The following MICU1 variants were observed in gnomAD, a reference collection of about 807,000 sequenced individuals.
MICU1 encodes calcium uptake protein 1, mitochondrial.
Under a neutral mutation model 56.8 loss-of-function variants are expected in MICU1, and 45 were observed. The ratio of observed to expected loss-of-function variants is 0.79; its 90% CI spans 0.62 to 1.02. The LOEUF is 1.02. MICU1 is among the 50% of genes least tolerant of loss of function. The pLI is 0.00. For synonymous variants in MICU1, 186 were observed against 195.1 expected (o/e 0.95, Z 0.39); for missense variants, 504 against 587.1 (o/e 0.86, Z 1.46).
At position 72,574,946 on chromosome 10, in the gene MICU1, T is replaced by C. The variant is rs1462881299; in HGVS notation, c.-1-8152A>G. ...CGCTCAAAAAAAGGACTAGGTTTATTACTAGTTGTAAAGAATGTCTAGTAA... is the reference window on the plus strand; with the variant it reads ...CGCTCAAAAAAAGGACTAGGTTTATCACTAGTTGTAAAGAATGTCTAGTAA... On this transcript the variant is annotated intron_variant, in intron 1 of 11. Transcript: ENST00000361114. Among the ~76,000 whole-genome samples, 6 of 152,250 alleles carry C rather than the reference T, an allele frequency of 3.9e-5. No homozygotes were observed. In the East Asian group the frequency reaches 1.2e-3, roughly 29 times the overall value.
chr10:72,477,232 G>C lies in MICU1; in HGVS notation c.677C>G (p.Ala226Gly), dbSNP rs1192371198. The C allele has an allele frequency of 6.5e-7, 1 of 1,547,664 alleles. No homozygotes were observed. Among genetic ancestry groups the C allele is most frequent in the Non-Finnish European group, 8.7e-7 (1 of 1,146,210 alleles). The change falls in exon 7 of 12, where the codon GCC (alanine) becomes GGC (glycine). Residue 226 changes from alanine (A) to glycine (G), a missense_variant. Ala to Gly is a moderately conservative substitution (Grantham distance 60). Coordinates refer to ENST00000361114, the MANE Select transcript of MICU1 (RefSeq NM_001195518.2). Reference protein sequence around the residue: ...LSTPQRNFEIAFKMFDLNGDG... With the variant: ...LSTPQRNFEIGFKMFDLNGDG... ...TCCATTCAAATCAAACATCTTGAAG[G>C]CAATTTCAAAATTTCTCTGAGGAGC...
chr10:72,414,653 A>C (rs1444311978), intron 9 of MICU1, among the ~76,000 whole-genome samples: 6 of 152,232 alleles, frequency 3.9e-5, no homozygotes, highest in African/African-American at 1.4e-4. Context: ...AAAATTAATA[A>C]AAATCACCGA....
chr10:72,397,418 A>C (rs1038435232), intron 10 of MICU1, among the ~76,000 whole-genome samples: 8 of 152,240 alleles, frequency 5.3e-5, no homozygotes, highest in Non-Finnish European at 1.0e-4. Context: ...ACAGAATCAA[A>C]TTCACACATA....
intron 3 of MICU1, among the ~76,000 whole-genome samples, chr10:72,560,784 C>T (rs552513177): frequency 6.6e-5 from 10 of 152,110 alleles, no homozygotes; most frequent in Admixed American, 5.9e-4. Flanking sequence ...GCATGAGAAT[C>T]GTTTGAATCC....
At chr10:72,576,012 G>A (rs977962021) in intron 1 of MICU1, among the ~76,000 whole-genome samples, 1 of 152,040 alleles carries the variant, frequency 6.6e-6, no homozygotes, top group Non-Finnish European at 1.5e-5. Flanking sequence ...TCAGGAGTTC[G>A]AGATCAGCCT....
intron 6 of MICU1, among the ~76,000 whole-genome samples, chr10:72,481,626 G>A (rs1866299832): frequency 6.6e-6 from 1 of 152,132 alleles, no homozygotes; most frequent in South Asian, 2.1e-4. Flanking sequence ...TGGCCAGGCT[G>A]TTCTAGAACT....
intron 1 of MICU1, among the ~76,000 whole-genome samples, chr10:72,602,834 G>A (rs572946368): frequency 8.1e-4 from 123 of 152,308 alleles, no homozygotes; most frequent in African/African-American, 2.3e-3. Context: ...GCAGCCAGGC[G>A]CGGTGGCTCA....
At chr10:72,377,913 G>A (rs926578116) in intron 10 of MICU1, among the ~76,000 whole-genome samples, 1 of 151,942 alleles carries the variant, frequency 6.6e-6, no homozygotes, top group Non-Finnish European at 1.5e-5. Flanking sequence ...ATATTTACCC[G>A]ATACGGTTTA....
intron 11 of MICU1, among the ~76,000 whole-genome samples, chr10:72,369,543 C>G (rs976873055): frequency 3.3e-5 from 5 of 152,140 alleles, no homozygotes; most frequent in Non-Finnish European, 4.4e-5. Context: ...CTGCAATAGT[C>G]TCTCTGCTGT....
At chr10:72,375,571 TAAG>T (rs1554857167) in intron 11 of MICU1, among the ~76,000 whole-genome samples, 1 of 152,196 alleles carries the variant, frequency 6.6e-6, no homozygotes, top group Non-Finnish European at 1.5e-5. Context: ...ATTGGAATTA[TAAG>T]AAGAAGAAAT....
At chr10:72,452,215 C>T (rs540559473) in intron 8 of MICU1, among the ~76,000 whole-genome samples, 6 of 152,248 alleles carry the variant, frequency 3.9e-5, no homozygotes, top group African/African-American at 9.6e-5. Flanking sequence ...CGAATACTCA[C>T]TTTTCTTCCT....
At chr10:72,461,090 A>G (rs1413599532) in intron 8 of MICU1, among the ~76,000 whole-genome samples, 1 of 152,128 alleles carries the variant, frequency 6.6e-6, no homozygotes, top group Non-Finnish European at 1.5e-5. Context: ...AACGTAAAGA[A>G]ACTTTCTCTT....
At chr10:72,441,668 G>A (rs1226073806) in intron 8 of MICU1, among the ~76,000 whole-genome samples, 3 of 138,690 alleles carry the variant, frequency 2.2e-5, no homozygotes, top group Non-Finnish European at 4.6e-5. Flanking sequence ...CCAGGCTGGA[G>A]TGCAGTGGTA....
chr10:72,415,662 A>C (rs560808491), intron 9 of MICU1, among the ~76,000 whole-genome samples: 13 of 152,312 alleles, frequency 8.5e-5, no homozygotes, highest in African/African-American at 1.2e-4. Flanking sequence ...CAAACTTTTT[A>C]GCCTGGGATT....
intron 2 of MICU1, among the ~76,000 whole-genome samples, chr10:72,565,423 G>C (rs1314154264): frequency 6.8e-6 from 1 of 147,668 alleles, no homozygotes. Context: ...CTCACTCACA[G>C]GTGGGAATTA....
At chr10:72,379,550 A>G (rs1295972857) in intron 10 of MICU1, 2 of 430,548 alleles carry the variant, frequency 4.6e-6, no homozygotes, top group Non-Finnish European at 9.4e-6. Context: ...TATTTCAAGT[A>G]CTCATCTTCT....
chr10:72,533,249 T>A, intron 5 of MICU1: 1 of 733,490 alleles, frequency 1.4e-6, no homozygotes, highest in Non-Finnish European at 1.9e-6. Context: ...TTTGTTATAT[T>A]ATTTATTCAG....
rs1393436881 is a variant in MICU1, at chr10:72,448,173, G to GTGTGTGTA, written c.934-24803_934-24802insTACACACA. ...TGTCTGTGTGTGTGTATATGTGTGTGTATATATATATATATATATATTTTT... is the reference window on the plus strand; with the variant it reads ...TGTCTGTGTGTGTGTATATGTGTGTGTGTGTGTATATATATATATATATATATATTTTT... On this transcript the variant is annotated intron_variant, in intron 8 of 11. Transcript: ENST00000361114. 9.5e-3 allele frequency among the ~76,000 whole-genome samples: 731 copies of GTGTGTGTA among 77,146 alleles called. 97 individuals are homozygous for GTGTGTGTA. The highest frequency in any genetic ancestry group is 0.026 in the Middle Eastern group (3 of 114). The allele number at this position is 77,146 out of a possible 152,430, so 50.6% of individuals were successfully genotyped here. A position where few individuals can be genotyped will look rare whatever the true frequency, so the allele number is the denominator to read the frequency against.
chr10:72,436,955 C>G (rs1864748364), intron 8 of MICU1, among the ~76,000 whole-genome samples: 1 of 152,138 alleles, frequency 6.6e-6, no homozygotes, highest in African/African-American at 2.4e-5. Flanking sequence ...AGAATGGAAG[C>G]AAGTTGAAAA....
Sources: gnomAD v4.1 joint callset for allele counts (sites outside exome capture counted in the v4.1 genomes callset) on GRCh38, gnomAD v4.1.1 for gene constraint, MANE v1.5 for transcripts, NCBI Gene and HGNC (gene_info 2026-07-23, HGNC 2026-07-21) for gene names.